The following MAST4 variants were observed in gnomAD, a reference collection of about 807,000 sequenced individuals.
MAST4 encodes microtubule associated serine/threonine kinase family member 4.
A neutral mutation model predicts 162.7 loss-of-function variants in MAST4; 89 were observed. The ratio of observed to expected loss-of-function variants is 0.55; its 90% CI spans 0.46 to 0.65. The LOEUF (loss-of-function observed/expected upper bound fraction) is 0.65. Ranked by LOEUF, MAST4 falls within the 30% of genes least tolerant of loss-of-function variation. MAST4 has a pLI of 0.00. For synonymous variants in MAST4, 1,479 were observed against 1,361.1 expected (o/e 1.09, Z -1.91); for missense variants, 3,153 against 3,374.0 (o/e 0.93, Z 1.62).
intron 12 of MAST4, among the ~76,000 whole-genome samples, chr5:67,118,467 T>C (rs375132003): frequency 6.6e-6 from 1 of 152,238 alleles, no homozygotes; most frequent in Non-Finnish European, 1.5e-5. Flanking sequence ...TCTAGGTGTT[T>C]GCAAGAAATG....
intron 2 of MAST4, among the ~76,000 whole-genome samples, chr5:66,773,647 A>T (rs1204760393): frequency 3.9e-5 from 6 of 152,168 alleles, no homozygotes; most frequent in African/African-American, 1.4e-4. Flanking sequence ...CATGAATGGG[A>T]CTAAGACCCT....
Position 66,912,728 on chromosome 5 carries a change from A to AT in MAST4, c.674+12754dup, listed in dbSNP as rs556861713. On this transcript the variant is annotated intron_variant, in intron 4 of 28. Coordinates refer to ENST00000403625, the MANE Select transcript of MAST4 (RefSeq NM_001164664.2). ...AATTCAGGCCACTTATGTTTATTCT[A>AT]TTTTTTTTCTCTTTTTTTGTTTTGC... 1.8e-3 allele frequency among the ~76,000 whole-genome samples: 280 copies of AT among 151,938 alleles called. 3 individuals are homozygous for AT. The highest frequency in any genetic ancestry group is 6.3e-3 in the African/African-American group (261 of 41,410).
intron 1 of MAST4, among the ~76,000 whole-genome samples, chr5:66,754,711 G>A (rs188812985): frequency 3.3e-5 from 5 of 152,266 alleles, no homozygotes; most frequent in Admixed American, 6.5e-5. Flanking sequence ...TTTAGCAGGG[G>A]GAGAAGAGCA....
intron 4 of MAST4, among the ~76,000 whole-genome samples, chr5:66,956,187 G>C (rs1020774861): frequency 4.6e-5 from 7 of 151,934 alleles, no homozygotes; most frequent in African/African-American, 1.7e-4. Context: ...AAGAAACCAG[G>C]TCATTTGTTC....
chr5:66,771,433 G>A (rs755682680), intron 2 of MAST4, among the ~76,000 whole-genome samples: 7 of 152,044 alleles, frequency 4.6e-5, no homozygotes, highest in East Asian at 1.9e-4. Flanking sequence ...TGATCCTCCC[G>A]CCTCAGCCTC....
intron 4 of MAST4, among the ~76,000 whole-genome samples, chr5:66,993,920 A>ACCCCACCCCC (rs1750317050): frequency 1.7e-5 from 1 of 57,688 alleles, no homozygotes; most frequent in Non-Finnish European, 3.4e-5. Flanking sequence ...TGTGCAGAAG[A>ACCCCACCCCC]CCCCCCCCCC....
At chr5:66,870,420 A>G (rs1206261632) in intron 3 of MAST4, among the ~76,000 whole-genome samples, 1 of 152,186 alleles carries the variant, frequency 6.6e-6, no homozygotes, top group Non-Finnish European at 1.5e-5. Context: ...AGGAAGATGG[A>G]CTTCATATTC....
chr5:67,103,849 C>T lies in MAST4; in HGVS notation c.1147-517C>T, dbSNP rs76067036. Reference sequence around the variant, plus strand: ...TTTGGACAGTCCATCTGAAAGAGCCCAAGATCTTAAATGAAAGCGTAACAA... The same window carrying T: ...TTTGGACAGTCCATCTGAAAGAGCCTAAGATCTTAAATGAAAGCGTAACAA... On this transcript the variant is annotated intron_variant, in intron 9 of 28. Coordinates refer to ENST00000403625, the MANE Select transcript of MAST4 (RefSeq NM_001164664.2). Among the ~76,000 whole-genome samples, 911 of 152,164 alleles carry T rather than the reference C, an allele frequency of 6.0e-3. 11 individuals are homozygous for T. Among genetic ancestry groups the T allele is most frequent in the African/African-American group, 0.021 (859 of 41,516 alleles).
intron 3 of MAST4, among the ~76,000 whole-genome samples, chr5:66,875,957 G>C (rs1412671888): frequency 6.6e-6 from 1 of 152,134 alleles, no homozygotes; most frequent in African/African-American, 2.4e-5. Context: ...GGTAAAGACA[G>C]GGTCTTGCTA....
chr5:66,724,998 T>C (rs1038349145), intron 1 of MAST4, among the ~76,000 whole-genome samples: 1 of 151,994 alleles, frequency 6.6e-6, no homozygotes, highest in Admixed American at 6.6e-5. Context: ...TTAAAATTAT[T>C]ATTTCCTTAT....
rs748974554 is a variant in MAST4 at position 67,165,588 on chromosome 5, C to T, written c.6409C>T (p.Pro2137Ser). Residue 2137 changes from proline (P) to serine (S), a missense_variant, in exon 29 of 29, where the codon CCT becomes TCT. Coordinates refer to ENST00000403625, the MANE Select transcript of MAST4 (RefSeq NM_001164664.2). The stretch of plus-strand genomic sequence containing the variant: ...GCATCCCAGCAGCATCCCTCCGCCC[C>T]CTCTGACGGCCAAAGACCTGTCCAG... ...QRHPSSIPPP[P>S]LTAKDLSSPA... 4 of 1,613,788 alleles carry T rather than the reference C, an allele frequency of 2.5e-6. No homozygotes were observed. In the South Asian group the frequency reaches 3.3e-5, roughly 13 times the overall value.
At chr5:66,693,312 T>C (rs1169179030) in intron 1 of MAST4, among the ~76,000 whole-genome samples, 1 of 152,162 alleles carries the variant, frequency 6.6e-6, no homozygotes, top group Non-Finnish European at 1.5e-5. Flanking sequence ...CTAAAAAAAA[T>C]CTAAGAATAA....
At chr5:66,613,760 G>C (rs16895311) in intron 1 of MAST4, among the ~76,000 whole-genome samples, 5,361 of 152,232 alleles carry the variant, frequency 0.035, 100 homozygotes, top group East Asian at 0.052. Context: ...GCTAATTCTT[G>C]GTGTTTGCAG....
chr5:66,928,334 G>C (rs1036600022), intron 4 of MAST4, among the ~76,000 whole-genome samples: 1 of 152,328 alleles, frequency 6.6e-6, no homozygotes, highest in Non-Finnish European at 1.5e-5. Flanking sequence ...CCCATTGATA[G>C]AGAGTGAAAG....
At chr5:66,991,159 A>G (rs1282501167) in intron 4 of MAST4, among the ~76,000 whole-genome samples, 1 of 152,162 alleles carries the variant, frequency 6.6e-6, no homozygotes, top group African/African-American at 2.4e-5. Context: ...TGGTTTGCAT[A>G]TTCTGGTCTA....
At chr5:66,617,823 C>T (rs967183772) in intron 1 of MAST4, among the ~76,000 whole-genome samples, 2 of 152,168 alleles carry the variant, frequency 1.3e-5, no homozygotes, top group Non-Finnish European at 2.9e-5. Flanking sequence ...CAAAGTAAAA[C>T]ATCAACGCGT....
chr5:66,984,049 G>A (rs1180131289), intron 4 of MAST4, among the ~76,000 whole-genome samples: 2 of 152,066 alleles, frequency 1.3e-5, no homozygotes, highest in African/African-American at 4.8e-5. Flanking sequence ...GGGATACGGT[G>A]ACAGACAGGA....
intron 5 of MAST4, among the ~76,000 whole-genome samples, chr5:67,059,467 A>T (rs1648794307): frequency 6.6e-6 from 1 of 152,194 alleles, no homozygotes; most frequent in Non-Finnish European, 1.5e-5. Flanking sequence ...TGCCTACCAC[A>T]GTAACACTTC....
Position 67,017,711 on chromosome 5 carries a change from C to T in MAST4, c.675-36693C>T, listed in dbSNP as rs529542144. The stretch of plus-strand genomic sequence containing the variant: ...CTCTGCCTCCCAGGTTCAAGTGATT[C>T]GCCTGCCTCGGCCTCCCGAGTAGCT... On this transcript the variant is annotated intron_variant, in intron 4 of 28. Coordinates refer to ENST00000403625, the MANE Select transcript of MAST4 (RefSeq NM_001164664.2). 5.4e-5 allele frequency among the ~76,000 whole-genome samples: 8 copies of T among 148,886 alleles called. No homozygotes were observed. The East Asian group carries it at 9.9e-4, about 18-fold the overall frequency.
Sources: allele counts gnomAD v4.1 joint callset (sites outside exome capture counted in the v4.1 genomes callset), GRCh38; gene constraint gnomAD v4.1.1; transcripts MANE v1.5; gene names NCBI Gene and HGNC (gene_info 2026-07-23, HGNC 2026-07-21).